GALNTL6: variants seen among roughly 807,000 people sequenced by gnomAD.
GALNTL6 encodes the protein polypeptide N-acetylgalactosaminyltransferase-like 6.
A neutral mutation model predicts 73.7 loss-of-function variants in GALNTL6; 46 were observed. The ratio of observed to expected loss-of-function variants is 0.62; its 90% confidence interval spans 0.49 to 0.80. GALNTL6 has a LOEUF of 0.80. Ranked by LOEUF, GALNTL6 falls within the 30% of genes least tolerant of loss-of-function variation. The pLI, the probability that GALNTL6 is intolerant of heterozygous loss-of-function variation, is 0.00. For missense variants in GALNTL6, 604 were observed against 755.0 expected (o/e 0.80, Z 2.34); for synonymous variants, 259 against 263.7 (o/e 0.98, Z 0.17).
At chr4:172,184,082 A>T (rs1579226663) in intron 2 of GALNTL6, among the ~76,000 whole-genome samples, 1 of 152,262 alleles carries the variant, frequency 6.6e-6, no homozygotes, top group Non-Finnish European at 1.5e-5. Context: ...GAGCCACCGC[A>T]TCCGGCCGCA....
chr4:172,637,570 T>C (rs1380157756), intron 5 of GALNTL6, among the ~76,000 whole-genome samples: 1 of 152,192 alleles, frequency 6.6e-6, no homozygotes, highest in Non-Finnish European at 1.5e-5. Flanking sequence ...AAAGCATAAG[T>C]ATTCATTTTC....
chr4:172,827,403 C>T (rs56750457), intron 7 of GALNTL6, among the ~76,000 whole-genome samples: 2,686 of 152,276 alleles, frequency 0.018, 69 homozygotes, highest in African/African-American at 0.057. Flanking sequence ...CCACACCATG[C>T]CACTCATTCT....
At chr4:172,934,432 A>C (rs1034030569) in intron 9 of GALNTL6, among the ~76,000 whole-genome samples, 48 of 152,336 alleles carry the variant, frequency 3.2e-4, no homozygotes, top group Admixed American at 1.4e-3. Flanking sequence ...TCATTGAAAA[A>C]AAAATAGAAT....
intron 5 of GALNTL6, among the ~76,000 whole-genome samples, chr4:172,576,903 C>A (rs1241237220): frequency 6.6e-6 from 1 of 152,172 alleles, no homozygotes; most frequent in African/African-American, 2.4e-5. Context: ...CAGAAATTCT[C>A]TGCCATGGGG....
At chr4:171,828,686 C>A (rs922304341) in intron 2 of GALNTL6, among the ~76,000 whole-genome samples, 4 of 152,148 alleles carry the variant, frequency 2.6e-5, no homozygotes, top group African/African-American at 9.7e-5. Context: ...GTGGCTCAAT[C>A]TCTGCTTACT....
At chr4:172,756,369 C>T (rs1042887058) in intron 5 of GALNTL6, among the ~76,000 whole-genome samples, 5 of 152,164 alleles carry the variant, frequency 3.3e-5, no homozygotes, top group Admixed American at 1.3e-4. Flanking sequence ...GGGGGCTGGG[C>T]GCTGTGGCTC....
chr4:172,268,093 A>G (rs1305013002), intron 3 of GALNTL6, among the ~76,000 whole-genome samples: 2 of 152,210 alleles, frequency 1.3e-5, no homozygotes, highest in Non-Finnish European at 2.9e-5. Context: ...TTTATGCCCC[A>G]ATGAATTCCA....
At chr4:172,273,566 C>A (rs984586375) in intron 3 of GALNTL6, among the ~76,000 whole-genome samples, 9 of 152,248 alleles carry the variant, frequency 5.9e-5, no homozygotes, top group African/African-American at 1.9e-4. Context: ...AAAAGAGAAG[C>A]AGGGTAGGAA....
chr4:172,378,608 A>G (rs551938422), intron 5 of GALNTL6, among the ~76,000 whole-genome samples: 13 of 152,256 alleles, frequency 8.5e-5, no homozygotes, highest in African/African-American at 3.1e-4. Context: ...AAAAAAATTG[A>G]TATATATTCA....
chr4:171,880,942 T>C (rs1380514054), intron 2 of GALNTL6, among the ~76,000 whole-genome samples: 3 of 152,148 alleles, frequency 2.0e-5, no homozygotes, highest in Admixed American at 2.0e-4. Flanking sequence ...AAACTAAGGC[T>C]CTTGGGCATT....
At chr4:172,179,951 G>A (rs1735182644) in intron 2 of GALNTL6, among the ~76,000 whole-genome samples, 1 of 152,132 alleles carries the variant, frequency 6.6e-6, no homozygotes, top group Non-Finnish European at 1.5e-5. Flanking sequence ...AATCCTTTGT[G>A]TATACATCCA....
At chr4:171,882,244 C>T (rs1175396283) in intron 2 of GALNTL6, among the ~76,000 whole-genome samples, 1 of 152,234 alleles carries the variant, frequency 6.6e-6, no homozygotes, top group Non-Finnish European at 1.5e-5. Flanking sequence ...TTTGTCATTT[C>T]GTTGTATCCT....
intron 2 of GALNTL6, among the ~76,000 whole-genome samples, chr4:172,228,402 T>C (rs1027836085): frequency 6.6e-6 from 1 of 151,794 alleles, no homozygotes; most frequent in Non-Finnish European, 1.5e-5. Flanking sequence ...ATTGGGAAAA[T>C]CTTTTCTTTT....
At chr4:172,693,842 C>T (rs1208877773) in intron 5 of GALNTL6, among the ~76,000 whole-genome samples, 2 of 152,204 alleles carry the variant, frequency 1.3e-5, no homozygotes, top group Non-Finnish European at 2.9e-5. Flanking sequence ...ACCCAGTTTG[C>T]TATTCTCTTT....
intron 2 of GALNTL6, among the ~76,000 whole-genome samples, chr4:171,965,582 G>A (rs983706108): frequency 6.8e-6 from 1 of 146,632 alleles, no homozygotes; most frequent in African/African-American, 2.5e-5. Flanking sequence ...CATGAACCTG[G>A]GAAGCAGAGC....
intron 2 of GALNTL6, among the ~76,000 whole-genome samples, chr4:172,052,975 C>G (rs1413962633): frequency 2.0e-5 from 3 of 152,088 alleles, no homozygotes; most frequent in Admixed American, 2.0e-4. Context: ...GCCTGAATGT[C>G]AGGGGAAAAG....
intron 3 of GALNTL6, among the ~76,000 whole-genome samples, chr4:172,259,425 T>C (rs1738182341): frequency 6.6e-6 from 1 of 151,422 alleles, no homozygotes; most frequent in East Asian, 1.9e-4. Context: ...TCTATTCATG[T>C]CTTTTACCCA....
At chr4:172,721,318 A>T (rs1207195234) in intron 5 of GALNTL6, among the ~76,000 whole-genome samples, 1 of 152,210 alleles carries the variant, frequency 6.6e-6, no homozygotes, top group African/African-American at 2.4e-5. Flanking sequence ...GGGTAAAGAG[A>T]AGGGGGCAGA....
chr4:171,881,155 C>T (rs1578936570), intron 2 of GALNTL6, among the ~76,000 whole-genome samples: 1 of 152,134 alleles, frequency 6.6e-6, no homozygotes, highest in Non-Finnish European at 1.5e-5. Flanking sequence ...GAGATTTCTG[C>T]GGAATAAACC....
Sources: allele counts gnomAD v4.1 joint callset (sites outside exome capture counted in the v4.1 genomes callset), GRCh38; gene constraint gnomAD v4.1.1; transcripts MANE v1.5; gene names NCBI Gene and HGNC (gene_info 2026-07-23, HGNC 2026-07-21).